The following THBS2 variants were observed in gnomAD, a reference collection of about 807,000 sequenced individuals.
THBS2 encodes the protein thrombospondin 2, also known as thrombospondin-2.
Under a neutral mutation model 135.2 loss-of-function variants are expected in THBS2, and 47 were observed. That is an observed-to-expected ratio of 0.35 (90% CI 0.28 to 0.44). The LOEUF is 0.44. THBS2 is among the 20% of genes least tolerant of loss of function. The probability of loss-of-function intolerance (pLI) is 1.00; values close to 1 mark genes in which losing one functional copy is unlikely to be tolerated. For synonymous variants in THBS2, 639 were observed against 633.8 expected (o/e 1.01, Z -0.12); for missense variants, 1,288 against 1,603.1 (o/e 0.80, Z 3.36).
Position 169,248,970 on chromosome 6 carries a change from C to T in THBS2, c.56G>A (p.Gly19Asp). 6.3e-7 allele frequency: 1 copy of T among 1,598,234 alleles called. No individual in the cohort carries two copies. Among genetic ancestry groups the T allele is most frequent in the Non-Finnish European group, 8.5e-7 (1 of 1,169,744 alleles). The part of the protein sequence containing the change: ...ALWVWPSTQA[G>D]HQDKDTTFDL... ...GAAGGTCGTGTCTTTGTCCTGGTGA[C>T]CAGCTGCAAAGGGAACCGCAGTGGA... Residue 19 changes from glycine (G) to aspartate (D), a missense_variant, in exon 3 of 22, where the codon GGT becomes GAT. Physicochemically the swap from Gly to Asp is moderately conservative, Grantham distance 94. Transcript: ENST00000617924.
chr6:169,229,646 C>T lies in THBS2; in HGVS notation c.2185G>A (p.Glu729Lys). The T allele has an allele frequency of 6.2e-7, 1 of 1,614,110 alleles. No individual in the cohort carries two copies. The highest frequency in any genetic ancestry group is 8.5e-7 in the Non-Finnish European group (1 of 1,180,002). Residue 729 changes from glutamate to lysine, a missense_variant, in exon 14 of 22, where the codon GAA becomes AAA. Physicochemically the swap from Glu to Lys is moderately conservative, Grantham distance 56. Coordinates refer to ENST00000617924, the MANE Select transcript of THBS2 (RefSeq NM_003247.5). The part of the protein sequence containing the change: ...NCPHLPNSGQ[E>K]DFDKDGIGDA... ...CCAATCCCGTCCTTGTCAAAGTCTT[C>T]CTGCCCAGAATTTGGCAGATGGGGG... is the stretch of plus-strand genomic sequence containing the variant.
In THBS2 at chr6:169,237,738, G is replaced by A. The variant is rs747119229; in HGVS notation, c.1187C>T (p.Thr396Met). The A allele has an allele frequency of 1.1e-5, 18 of 1,612,326 alleles. No homozygotes were observed. Among genetic ancestry groups the A allele is most frequent in the African/African-American group, 5.3e-5 (4 of 74,934 alleles). ...PWAEWTQCSVTCGSGTQQRGR... is the reference protein window; with the variant it reads ...PWAEWTQCSVMCGSGTQQRGR... ...TCTCTGCTGGGTCCCAGAGCCACAC[G>A]TCACGGAGCACTGGGTCCACTCTGC... Residue 396 changes from threonine to methionine, a missense_variant, in exon 8 of 22, where the codon ACG becomes ATG. Coordinates refer to ENST00000617924, the MANE Select transcript of THBS2 (RefSeq NM_003247.5).
intron 21 of THBS2, 77 bp downstream of exon 21, chr6:169,220,121 G>A: frequency 2.6e-6 from 4 of 1,536,326 alleles, no homozygotes; most frequent in South Asian, 1.3e-5. Flanking sequence ...TTTGTAAGTG[G>A]AAGAGCGCAC....
In THBS2 at chr6:169,240,497, T is replaced by C; in HGVS notation, c.987A>G (p.Glu329=). ...AGCTGTCCACCACCCACGTTTCATT[T>C]TCCGCAAAGAACCGGCCATCCTGCC... ...ACWQDGRFFA[E]NETWVVDSCT... The change falls in exon 6 of 22, where the codon GAA becomes GAG. Residue 329 remains glutamate (E), a synonymous_variant. Transcript: ENST00000617924. 6.2e-7 allele frequency: 1 copy of C among 1,613,986 alleles called. No individual in the cohort carries two copies. Among genetic ancestry groups the C allele is most frequent in the Non-Finnish European group, 8.5e-7 (1 of 1,180,030 alleles).
At chr6:169,243,185 A>C (rs1030575431) in intron 4 of THBS2, among the ~76,000 whole-genome samples, 246 of 82,708 alleles carry the variant, frequency 3.0e-3, no homozygotes, top group East Asian at 4.3e-3. Context: ...CCACCTTCCC[A>C]CCTCTCCCAC....
Position 169,216,170 on chromosome 6 carries a change from AAC to A in THBS2, c.*1650_*1651del, listed in dbSNP as rs1482847866. 1.3e-5 allele frequency: 2 copies of A among 152,198 alleles called. No homozygotes were observed. Among genetic ancestry groups the A allele is most frequent in the Non-Finnish European group, 2.9e-5 (2 of 68,036 alleles). 9.4% of individuals were successfully genotyped at this position (152,198 alleles called of 1,614,324 possible). The stretch of plus-strand genomic sequence containing the variant: ...AAAGTAAAAAGTGCAGCAAAACAAC[AAC>A]ACAACGATCAACCTCAAAGGAAACA... On this transcript the variant is annotated 3_prime_UTR_variant, in exon 22 of 22. Transcript: ENST00000617924.
chr6:169,233,945 C>T lies in THBS2; in HGVS notation c.1651+789G>A, dbSNP rs777102716. Among the ~76,000 whole-genome samples, 8 of 150,802 alleles carry T rather than the reference C, an allele frequency of 5.3e-5. 1 individual carries two copies. The highest frequency in any genetic ancestry group is 1.2e-4 in the Non-Finnish European group (8 of 67,662). ...ATGTTCCAGACCATACAACTGCCCA[C>T]GCACCACCTTCTACAACACATAACT... On this transcript the variant is annotated intron_variant, in intron 10 of 21. Transcript: ENST00000617924.
At chr6:169,249,957 G>A (rs1179219027) in intron 2 of THBS2, among the ~76,000 whole-genome samples, 8 of 151,978 alleles carry the variant, frequency 5.3e-5, no homozygotes, top group Non-Finnish European at 8.8e-5. Context: ...GTGAACCCGG[G>A]AGGCAGAGCT....
chr6:169,222,053 A>C (rs1197111923), intron 19 of THBS2, 144 bp downstream of exon 19: 1 of 995,758 alleles, frequency 1.0e-6, no homozygotes, highest in Non-Finnish European at 1.5e-6. Flanking sequence ...GTCTATAATA[A>C]AGTAAGATTA....
chr6:169,243,356 A>G (rs2115024526), intron 4 of THBS2, among the ~76,000 whole-genome samples: 1 of 152,338 alleles, frequency 6.6e-6, no homozygotes, highest in South Asian at 2.1e-4. Context: ...GCGCAGTTGC[A>G]GTCAGGGCCC....
In THBS2 at chr6:169,241,127, C is replaced by A. The variant is rs1780275983; in HGVS notation, c.892-535G>T. Among the ~76,000 whole-genome samples, 1 of 151,440 alleles carries A rather than the reference C, an allele frequency of 6.6e-6. No homozygotes were observed. The highest frequency in any genetic ancestry group is 1.5e-5 in the Non-Finnish European group (1 of 67,700). The stretch of plus-strand genomic sequence containing the variant: ...TCTCCTGGCATCATTTACTTCATGC[C>A]CTCTGGGTACGAGTGACAGTCAGCA... On this transcript the variant is annotated intron_variant, in intron 5 of 21. Transcript: ENST00000617924. This position sits in a 1 kb window ranked among gnomAD's most constrained non-coding sequence, Gnocchi z 5.5.
intron 4 of THBS2, among the ~76,000 whole-genome samples, chr6:169,244,764 A>G (rs910301830): frequency 6.6e-6 from 1 of 152,190 alleles, no homozygotes; most frequent in Non-Finnish European, 1.5e-5. Flanking sequence ...GCTGGAGCCA[A>G]GATAACTCTG....
chr6:169,232,534 C>T lies in THBS2; in HGVS notation c.1932+130G>A, dbSNP rs576447443. ...CAGCCGAGCAGGTGCTCAGCTTCCC[C>T]GGGCCAGCCCCTCCCATGCCTCTCC... is the stretch of plus-strand genomic sequence containing the variant. On this transcript the variant is annotated intron_variant, in intron 12 of 21. Transcript: ENST00000617924. 9.0e-6 allele frequency: 13 copies of T among 1,442,490 alleles called. No individual in the cohort carries two copies. In the East Asian group the frequency reaches 9.2e-5, roughly 10 times the overall value. 89.4% of individuals were successfully genotyped at this position (1,442,490 alleles called of 1,614,324 possible).
Position 169,237,684 on chromosome 6 carries a change from G to C in THBS2, c.1241C>G (p.Thr414Ser). The C allele has an allele frequency of 6.2e-7, 1 of 1,612,942 alleles. No homozygotes were observed. Among genetic ancestry groups the C allele is most frequent in the Non-Finnish European group, 8.5e-7 (1 of 1,179,952 alleles). ...TGTCTGGATGGAGGGCCCCAAGCAG[G>C]TGTTGCTGGTGACGTCACAGGACCG... ...RGRSCDVTSN[T>S]CLGPSIQTRA... Residue 414 changes from threonine (T) to serine (S), a missense_variant, in exon 8 of 22, where the codon ACC (threonine) becomes AGC (serine). By Grantham distance (58) the Thr-to-Ser change is moderately conservative. Coordinates refer to ENST00000617924, the MANE Select transcript of THBS2 (RefSeq NM_003247.5).
chr6:169,245,658 G>A (rs544276264), intron 4 of THBS2, among the ~76,000 whole-genome samples: 81 of 152,078 alleles, frequency 5.3e-4, no homozygotes, highest in African/African-American at 1.9e-3. Flanking sequence ...TGGGTGTGGT[G>A]GCGGGTGCCT....
chr6:169,234,393 C>T lies in THBS2; in HGVS notation c.1651+341G>A, dbSNP rs1033930754. 25 of 248,390 alleles carry T rather than the reference C, an allele frequency of 1.0e-4. 2 individuals are homozygous for T. The South Asian group carries it at 1.6e-3, about 16-fold the overall frequency. The allele number at this position is 248,390 out of a possible 1,614,324, so 15.4% of individuals were successfully genotyped here. ...TCCACATTCCATGCCACACAACTAC[C>T]CACACACCACATACCATGCCACACA... On this transcript the variant is annotated intron_variant, in intron 10 of 21. Coordinates refer to ENST00000617924, the MANE Select transcript of THBS2 (RefSeq NM_003247.5).
chr6:169,224,221 A>G (rs1261441043), intron 17 of THBS2, among the ~76,000 whole-genome samples: 1 of 152,256 alleles, frequency 6.6e-6, no homozygotes, highest in East Asian at 1.9e-4. Flanking sequence ...TACTCCAGCT[A>G]CCACGTGGCA....
intron 4 of THBS2, among the ~76,000 whole-genome samples, chr6:169,242,727 TCCCA>T: frequency 4.7e-5 from 6 of 128,158 alleles, no homozygotes; most frequent in Admixed American, 2.3e-4. Context: ...CTTCCCACCT[TCCCA>T]CCTTCCCACC....
At chr6:169,242,936 C>CCACCTTCCCACATTCT (rs1780397556) in intron 4 of THBS2, among the ~76,000 whole-genome samples, 1 of 98,616 alleles carries the variant, frequency 1.0e-5, no homozygotes, top group African/African-American at 4.4e-5. Context: ...TCCCACCTTC[C>CCACCTTCCCACATTCT]CACCTTCCCA....
Sources: allele counts gnomAD v4.1 joint callset (sites outside exome capture counted in the v4.1 genomes callset), GRCh38; gene constraint gnomAD v4.1.1; non-coding constraint Gnocchi (gnomAD v3.1); transcripts MANE v1.5; gene names NCBI Gene and HGNC (gene_info 2026-07-23, HGNC 2026-07-21).